AGBL4: variants seen among roughly 807,000 people sequenced by gnomAD.
The protein encoded by AGBL4 is AGBL carboxypeptidase 4, also known as cytosolic carboxypeptidase 6.
Under a neutral mutation model 66.4 loss-of-function variants are expected in AGBL4, and 58 were observed. That is an observed-to-expected ratio of 0.87 (90% CI 0.71 to 1.09). AGBL4 has a LOEUF of 1.09. Among genes scored for constraint, AGBL4 ranks in the 50% least tolerant of loss-of-function variants. AGBL4 has a pLI of 0.00. For synonymous variants in AGBL4, 234 were observed against 222.9 expected (o/e 1.05, Z -0.44); for missense variants, 579 against 631.0 (o/e 0.92, Z 0.88).
At chr1:49,871,795 T>C (rs1305967751) in intron 1 of AGBL4, among the ~76,000 whole-genome samples, 7 of 152,296 alleles carry the variant, frequency 4.6e-5, no homozygotes, top group African/African-American at 1.7e-4. Flanking sequence ...AAAATTGTTG[T>C]ATTCCACAGA....
At chr1:49,518,825 C>T (rs1278984379) in intron 3 of AGBL4, among the ~76,000 whole-genome samples, 1 of 151,936 alleles carries the variant, frequency 6.6e-6, no homozygotes, top group South Asian at 2.1e-4. Context: ...TAATATTTGT[C>T]GTAACTAAAA....
At chr1:49,705,002 T>C (rs1419799300) in intron 2 of AGBL4, among the ~76,000 whole-genome samples, 1 of 152,214 alleles carries the variant, frequency 6.6e-6, no homozygotes, top group Non-Finnish European at 1.5e-5. Flanking sequence ...ACTGTATCTA[T>C]AAATTACTTT....
At chr1:49,644,222 TGG>T (rs1335363739) in intron 3 of AGBL4, among the ~76,000 whole-genome samples, 1 of 151,464 alleles carries the variant, frequency 6.6e-6, no homozygotes, top group South Asian at 2.1e-4. Flanking sequence ...CTAGTAACAA[TGG>T]AGACAAGATG....
intron 5 of AGBL4, among the ~76,000 whole-genome samples, chr1:48,900,228 C>G (rs1261010334): frequency 6.6e-6 from 1 of 152,142 alleles, no homozygotes; most frequent in Non-Finnish European, 1.5e-5. Flanking sequence ...GGTGCAGACC[C>G]CACACAGCCT....
intron 3 of AGBL4, among the ~76,000 whole-genome samples, chr1:49,307,444 CT>C (rs1243395330): frequency 6.6e-6 from 1 of 152,094 alleles, no homozygotes; most frequent in Non-Finnish European, 1.5e-5. Flanking sequence ...GCCTTGGTTT[CT>C]TTATTTGTAA....
chr1:49,189,780 G>T lies in AGBL4; in HGVS notation c.377+55990C>A, dbSNP rs185267323. ...CTTTGCATTAATTACCTTTTTTCAT[G>T]AGAATTTTTCAGGTGGGTATGAAAA... On this transcript the variant is annotated intron_variant, in intron 4 of 13. Coordinates refer to ENST00000371839, the MANE Select transcript of AGBL4 (RefSeq NM_032785.4). Among the ~76,000 whole-genome samples the T allele has an allele frequency of 3.6e-4, 55 of 152,214 alleles. No homozygotes were observed. In the Middle Eastern group the frequency reaches 0.01, roughly 28 times the overall value.
At chr1:49,478,463 A>C (rs1646889245) in intron 3 of AGBL4, among the ~76,000 whole-genome samples, 1 of 152,042 alleles carries the variant, frequency 6.6e-6, no homozygotes, top group African/African-American at 2.4e-5. Context: ...TGAGGGAACA[A>C]ACTTTTACCC....
intron 2 of AGBL4, among the ~76,000 whole-genome samples, chr1:49,795,417 T>C (rs1644705190): frequency 6.6e-6 from 1 of 151,984 alleles, no homozygotes; most frequent in Admixed American, 6.6e-5. Flanking sequence ...TTCACTGAAA[T>C]ATGTATCTAG....
At chr1:48,771,525 A>G (rs1387960740) in intron 6 of AGBL4, among the ~76,000 whole-genome samples, 1 of 152,238 alleles carries the variant, frequency 6.6e-6, no homozygotes, top group Non-Finnish European at 1.5e-5. Flanking sequence ...TGAACCCTCA[A>G]TGGTTAACAT....
At chr1:49,747,807 C>G (rs1409972658) in intron 2 of AGBL4, among the ~76,000 whole-genome samples, 3 of 152,076 alleles carry the variant, frequency 2.0e-5, no homozygotes, top group African/African-American at 4.8e-5. Flanking sequence ...TGTTTACTAT[C>G]ATTTGATGCA....
At chr1:48,768,348 A>C (rs1309117210) in intron 6 of AGBL4, among the ~76,000 whole-genome samples, 1 of 152,200 alleles carries the variant, frequency 6.6e-6, no homozygotes, top group Non-Finnish European at 1.5e-5. Context: ...CAAAGCTCTA[A>C]ATAATGCCCA....
intron 3 of AGBL4, among the ~76,000 whole-genome samples, chr1:49,257,260 G>C (rs2163527): frequency 0.92 from 140,360 of 152,280 alleles, 64,849 homozygotes; most frequent in South Asian, 0.95. Flanking sequence ...TTTGTCTGTG[G>C]CCTGCCCCCA....
chr1:49,933,013 AG>A (rs1247809409), intron 1 of AGBL4, among the ~76,000 whole-genome samples: 1 of 152,172 alleles, frequency 6.6e-6, no homozygotes, highest in Non-Finnish European at 1.5e-5. Context: ...AAGGAAGAAT[AG>A]GGTTCAAATA....
chr1:49,809,416 C>A (rs1230108370), intron 2 of AGBL4, among the ~76,000 whole-genome samples: 1 of 150,392 alleles, frequency 6.6e-6, no homozygotes, highest in Non-Finnish European at 1.5e-5. Context: ...CTGGACAACA[C>A]CAGTGCTATT....
chr1:49,953,321 T>C (rs1054033687), intron 1 of AGBL4, among the ~76,000 whole-genome samples: 1 of 151,988 alleles, frequency 6.6e-6, no homozygotes, highest in African/African-American at 2.4e-5. Flanking sequence ...AAGAGATCCC[T>C]GGCTCTTTCA....
At chr1:49,196,827 T>C (rs1036481396) in intron 4 of AGBL4, among the ~76,000 whole-genome samples, 1 of 151,976 alleles carries the variant, frequency 6.6e-6, no homozygotes, top group Non-Finnish European at 1.5e-5. Context: ...CTTTTGCCCA[T>C]TGGTTTTTGT....
At chr1:48,837,333 T>G (rs922519277) in intron 6 of AGBL4, among the ~76,000 whole-genome samples, 2 of 151,954 alleles carry the variant, frequency 1.3e-5, no homozygotes, top group Non-Finnish European at 2.9e-5. Flanking sequence ...TCAACTTGAT[T>G]GGATTGAAGG....
chr1:49,137,852 A>G (rs915535101), intron 4 of AGBL4, among the ~76,000 whole-genome samples: 1 of 152,138 alleles, frequency 6.6e-6, no homozygotes, highest in African/African-American at 2.4e-5. Flanking sequence ...CTCTTGGACA[A>G]GCCGAAAATA....
intron 3 of AGBL4, among the ~76,000 whole-genome samples, chr1:49,491,846 AC>A (rs1358461498): frequency 2.0e-5 from 3 of 151,902 alleles, no homozygotes; most frequent in African/African-American, 4.8e-5. Context: ...ATGTTCCAAA[AC>A]CCCCAGTGGA....
Sources: allele counts gnomAD v4.1 joint callset (sites outside exome capture counted in the v4.1 genomes callset), GRCh38; gene constraint gnomAD v4.1.1; transcripts MANE v1.5; gene names NCBI Gene and HGNC (gene_info 2026-07-23, HGNC 2026-07-21).